ADAMTSL1: variants seen among roughly 807,000 people sequenced by gnomAD.
The protein encoded by ADAMTSL1 is ADAMTS-like protein 1.
A neutral mutation model predicts 201.8 loss-of-function variants in ADAMTSL1; 126 were observed. The ratio of observed to expected loss-of-function variants is 0.62; its 90% CI spans 0.54 to 0.72. The LOEUF is 0.72. Ranked by LOEUF, ADAMTSL1 falls within the 30% of genes least tolerant of loss-of-function variation. ADAMTSL1 has a pLI of 0.00. For synonymous variants in ADAMTSL1, 1,121 were observed against 903.4 expected (o/e 1.24, Z -4.32); for missense variants, 2,679 against 2,277.8 (o/e 1.18, Z -3.59).
chr9:18,260,712 T>G (rs1202990089), intron 2 of ADAMTSL1, among the ~76,000 whole-genome samples: 2 of 152,156 alleles, frequency 1.3e-5, no homozygotes, highest in East Asian at 3.9e-4. Context: ...GTCGTTTCCA[T>G]CTGCCAGTGT....
rs1242872613 is a variant in ADAMTSL1, at chr9:18,283,796, C to CAGCTA, written c.207+119816_207+119820dup. On this transcript the variant is annotated intron_variant, in intron 2 of 29. Transcript: ENST00000680146. ...GCATGGTGGCGGGCGCCTGTAGTCC[C>CAGCTA]AGCTACTCGGGAGGCTGAGGCAGGA... Among the ~76,000 whole-genome samples the CAGCTA allele has an allele frequency of 2.0e-5, 3 of 150,096 alleles. No homozygotes were observed. The East Asian group carries it at 5.9e-4, about 29-fold the overall frequency.
rs370671684 is a variant in ADAMTSL1, at chr9:18,892,418, C to G, written c.4673C>G (p.Thr1558Ser). ...ATGGTGACCTCCTGGTCTGCCTGTACCCGGAGCTGTGGGGGAGGTGTCCAG... is the reference window on the plus strand; with the variant it reads ...ATGGTGACCTCCTGGTCTGCCTGTAGCCGGAGCTGTGGGGGAGGTGTCCAG... ...RWMVTSWSAC[T>S]RSCGGGVQTR... Residue 1558 changes from threonine to serine, a missense_variant, in exon 26 of 29, where the codon ACC (threonine) becomes AGC (serine). Transcript: ENST00000380548. 5.0e-5 allele frequency: 81 copies of G among 1,613,376 alleles called. No homozygotes were observed. The highest frequency in any genetic ancestry group is 1.3e-4 in the South Asian group (12 of 90,848).
chr9:18,105,722 CA>C (rs1167749292), intron 1 of ADAMTSL1, among the ~76,000 whole-genome samples: 2 of 152,194 alleles, frequency 1.3e-5, no homozygotes, highest in African/African-American at 2.4e-5. Context: ...TAGAAAGATA[CA>C]ACCTCACTAG....
chr9:18,758,484 G>A (rs1185008889), intron 16 of ADAMTSL1, among the ~76,000 whole-genome samples: 2 of 152,172 alleles, frequency 1.3e-5, no homozygotes, highest in East Asian at 1.9e-4. Flanking sequence ...CAGGGGAACC[G>A]CAGGCCTGCG....
At chr9:18,610,382 T>G (rs1041031179) in intron 4 of ADAMTSL1, among the ~76,000 whole-genome samples, 4 of 152,168 alleles carry the variant, frequency 2.6e-5, no homozygotes, top group Non-Finnish European at 5.9e-5. Context: ...GTCCATGCAT[T>G]TGAGATACTT....
intron 8 of ADAMTSL1, among the ~76,000 whole-genome samples, chr9:18,661,281 G>C (rs370297089): frequency 1.1e-4 from 17 of 152,306 alleles, no homozygotes; most frequent in Admixed American, 9.2e-4. Flanking sequence ...GAGAATGACA[G>C]AAGATTTTGA....
intron 2 of ADAMTSL1, among the ~76,000 whole-genome samples, chr9:18,281,586 C>T (rs758339135): frequency 3.0e-4 from 46 of 152,252 alleles, no homozygotes; most frequent in Middle Eastern, 3.4e-3. Flanking sequence ...CTTATTTTTG[C>T]GATTGTCTAT....
intron 2 of ADAMTSL1, among the ~76,000 whole-genome samples, chr9:18,406,512 G>T (rs139741271): frequency 6.6e-6 from 1 of 151,548 alleles, no homozygotes; most frequent in East Asian, 1.9e-4. Flanking sequence ...TGTATTTTTC[G>T]TAGAGACAGG....
chr9:18,908,670 C>A lies in ADAMTSL1; in HGVS notation c.*122C>A. 1.4e-6 allele frequency: 1 copy of A among 738,458 alleles called. No homozygotes were observed. The highest frequency in any genetic ancestry group is 2.8e-5 in the Admixed American group (1 of 35,786). 45.7% of individuals were successfully genotyped at this position (738,458 alleles called of 1,614,324 possible). ...TTCCCCCTCCCCACTCCACACACAC[C>A]CTTCCAACCTCCTCCACCTCCACCT... On this transcript the variant is annotated 3_prime_UTR_variant, in exon 29 of 29. Coordinates refer to ENST00000380548, the MANE Select transcript of ADAMTSL1 (RefSeq NM_001040272.6).
At chr9:18,407,395 T>C (rs772700437) in intron 2 of ADAMTSL1, among the ~76,000 whole-genome samples, 32 of 152,146 alleles carry the variant, frequency 2.1e-4, no homozygotes, top group Non-Finnish European at 3.5e-4. Context: ...AAATAGAGAT[T>C]TGGGAATTCT....
chr9:18,350,331 C>A (rs1257777459), intron 2 of ADAMTSL1, among the ~76,000 whole-genome samples: 2 of 151,850 alleles, frequency 1.3e-5, no homozygotes, highest in Non-Finnish European at 2.9e-5. Context: ...CTGCTAAGGG[C>A]AGGGGGGAAA....
intron 7 of ADAMTSL1, among the ~76,000 whole-genome samples, chr9:18,656,467 A>T (rs1828670324): frequency 6.6e-6 from 1 of 151,928 alleles, no homozygotes; most frequent in African/African-American, 2.4e-5. Context: ...GTCTCTACTA[A>T]AAATACAAAA....
At chr9:18,428,086 C>G (rs60226684) in intron 2 of ADAMTSL1, among the ~76,000 whole-genome samples, 2,034 of 152,222 alleles carry the variant, frequency 0.013, 43 homozygotes, top group African/African-American at 0.045. Context: ...TTTTAAATAT[C>G]TTACAGTCAT....
chr9:18,168,331 A>T lies in ADAMTSL1; in HGVS notation c.207+4350A>T, dbSNP rs138832829. On this transcript the variant is annotated intron_variant, in intron 2 of 29. Transcript: ENST00000680146. ...TGATGTTCCCCTTCCTGTGTCCATG[A>T]GTTCTCATTGCTAAATTGCCACCTA... Among the ~76,000 whole-genome samples, 463 of 152,070 alleles carry T rather than the reference A, an allele frequency of 3.0e-3. 1 individual carries two copies. Among genetic ancestry groups the T allele is most frequent in the African/African-American group, 0.011 (440 of 41,498 alleles).
At chr9:18,301,368 T>G (rs1324720818) in intron 2 of ADAMTSL1, among the ~76,000 whole-genome samples, 1 of 152,198 alleles carries the variant, frequency 6.6e-6, no homozygotes, top group Non-Finnish European at 1.5e-5. Context: ...ATCAGGAGAT[T>G]GCGGTACAGT....
intron 2 of ADAMTSL1, among the ~76,000 whole-genome samples, chr9:18,212,602 A>G (rs1829919490): frequency 2.6e-5 from 4 of 152,166 alleles, no homozygotes; most frequent in Admixed American, 6.5e-5. Context: ...TATCTTTGCA[A>G]TTGCATGTGC....
intron 4 of ADAMTSL1, among the ~76,000 whole-genome samples, chr9:18,591,453 T>G (rs1823908862): frequency 6.6e-6 from 1 of 152,168 alleles, no homozygotes; most frequent in South Asian, 2.1e-4. Context: ...AGTTGGGCCT[T>G]ATTATTTATT....
chr9:18,101,517 G>A (rs1440531751), intron 1 of ADAMTSL1, among the ~76,000 whole-genome samples: 1 of 151,288 alleles, frequency 6.6e-6, no homozygotes, highest in Non-Finnish European at 1.5e-5. Flanking sequence ...AAAAAGAAAA[G>A]CAAGAAAAAG....
chr9:18,504,979 G>A (rs1405596212), intron 2 of ADAMTSL1, 23 bp downstream of exon 2: 4 of 1,590,122 alleles, frequency 2.5e-6, no homozygotes, highest in Non-Finnish European at 3.4e-6. Context: ...CCCGTTGGGG[G>A]TCTTTGTGAG....
Sources: allele counts gnomAD v4.1 joint callset (sites outside exome capture counted in the v4.1 genomes callset), GRCh38; gene constraint gnomAD v4.1.1; transcripts MANE v1.5; gene names NCBI Gene and HGNC (gene_info 2026-07-23, HGNC 2026-07-21).